The following SCAMP1 variants were observed in gnomAD, a reference collection of about 807,000 sequenced individuals.
SCAMP1 encodes secretory carrier membrane protein 1.
Under a neutral mutation model 41.8 loss-of-function variants are expected in SCAMP1, and 15 were observed. The ratio of observed to expected loss-of-function variants is 0.36; its 90% CI spans 0.24 to 0.55. The LOEUF (loss-of-function observed/expected upper bound fraction) is 0.55, where lower values mean the gene tolerates loss of function less well. SCAMP1 is among the 20% of genes least tolerant of loss of function. The pLI is 0.86. For missense variants in SCAMP1, 341 were observed against 412.6 expected, an observed-to-expected ratio of 0.83 and a Z score of 1.50; for synonymous variants, 135 against 136.8, an observed-to-expected ratio of 0.99 and a Z score of 0.09.
At chr5:78,432,985 C>T (rs1752659310) in intron 6 of SCAMP1, among the ~76,000 whole-genome samples, 1 of 152,054 alleles carries the variant, frequency 6.6e-6, no homozygotes, top group African/African-American at 2.4e-5. Context: ...CACTGATTCT[C>T]TCCCACCCTC....
intron 1 of SCAMP1, among the ~76,000 whole-genome samples, chr5:78,377,868 G>A (rs1180955745): frequency 6.6e-6 from 1 of 152,056 alleles, no homozygotes; most frequent in Non-Finnish European, 1.5e-5. Flanking sequence ...TTTTACTGAT[G>A]AAAAAACTGA....
intron 6 of SCAMP1, among the ~76,000 whole-genome samples, chr5:78,425,463 G>A (rs1187295593): frequency 6.6e-6 from 1 of 151,932 alleles, no homozygotes; most frequent in Non-Finnish European, 1.5e-5. Flanking sequence ...ATATATATTT[G>A]TACTCCCAAA....
rs1053429684 is a variant in SCAMP1, at chr5:78,477,961, A to T, written c.*2293A>T. On this transcript the variant is annotated 3_prime_UTR_variant, in exon 9 of 9. Transcript: ENST00000621999. ...ATCACAGTCATGAAATCATAGTCATAAAATGGTCTTCACACAGCAGTCATC... is the reference window on the plus strand; with the variant it reads ...ATCACAGTCATGAAATCATAGTCATTAAATGGTCTTCACACAGCAGTCATC... 1.3e-5 allele frequency: 2 copies of T among 152,216 alleles called. No homozygotes were observed. The highest frequency in any genetic ancestry group is 2.9e-5 in the Non-Finnish European group (2 of 67,984). 9.4% of individuals were successfully genotyped at this position (152,216 alleles called of 1,614,324 possible).
At chr5:78,398,352 C>CTT (rs1225783485) in intron 2 of SCAMP1, among the ~76,000 whole-genome samples, 30 of 115,076 alleles carry the variant, frequency 2.6e-4, no homozygotes, top group Admixed American at 1.1e-3. Context: ...CTAGGGTTCA[C>CTT]CTCTTTTTTT....
chr5:78,435,671 T>G (rs1334270891), intron 6 of SCAMP1, among the ~76,000 whole-genome samples: 3 of 152,204 alleles, frequency 2.0e-5, no homozygotes, highest in Admixed American at 6.5e-5. Flanking sequence ...TTGTGAATAG[T>G]GCCGGAGTAA....
intron 1 of SCAMP1, 135 bp downstream of exon 1, chr5:78,360,863 C>A (rs113790096): frequency 1.2e-6 from 1 of 859,588 alleles, no homozygotes; most frequent in Non-Finnish European, 1.8e-6. Context: ...GGCCGCCGTC[C>A]TCCATTTGGG....
chr5:78,465,957 G>A (rs1380559834), intron 8 of SCAMP1, among the ~76,000 whole-genome samples: 2 of 152,186 alleles, frequency 1.3e-5, no homozygotes, highest in African/African-American at 2.4e-5. Flanking sequence ...GGCAGATGCC[G>A]ATTACATCTA....
chr5:78,423,013 C>T (rs567740302), intron 6 of SCAMP1, among the ~76,000 whole-genome samples: 10 of 9,950 alleles, frequency 1.0e-3, no homozygotes, highest in African/African-American at 7.0e-3. Context: ...CACACGCGCG[C>T]GCGCACACAC....
chr5:78,448,724 G>A (rs1344674630), intron 6 of SCAMP1, among the ~76,000 whole-genome samples: 2 of 152,212 alleles, frequency 1.3e-5, no homozygotes, highest in Non-Finnish European at 2.9e-5. Context: ...AACCAGGCTG[G>A]GCACAGTGGC....
chr5:78,402,196 G>GTT (rs1293261771), intron 2 of SCAMP1, among the ~76,000 whole-genome samples: 1 of 129,290 alleles, frequency 7.7e-6, no homozygotes, highest in Non-Finnish European at 1.7e-5. Context: ...TACTATATTT[G>GTT]TTTTTTTTTT....
intron 1 of SCAMP1, among the ~76,000 whole-genome samples, chr5:78,385,895 G>A (rs1002173685): frequency 1.3e-5 from 2 of 152,082 alleles, no homozygotes; most frequent in African/African-American, 4.8e-5. Context: ...TGTTCCATGT[G>A]CTGATGAAGA....
At chr5:78,459,223 T>G in intron 7 of SCAMP1, 22 bp from the exon 8 acceptor site, 1 of 1,132,862 alleles carries the variant, frequency 8.8e-7, no homozygotes, top group Non-Finnish European at 1.3e-6. Flanking sequence ...TTTGCCTAAT[T>G]ACACTTTTTA....
At chr5:78,464,331 A>ACTAAAATAC (rs1753688537) in intron 8 of SCAMP1, among the ~76,000 whole-genome samples, 1 of 151,938 alleles carries the variant, frequency 6.6e-6, no homozygotes, top group South Asian at 2.1e-4. Context: ...TTTAGTAGAG[A>ACTAAAATAC]CAGGGTTTCA....
intron 7 of SCAMP1, among the ~76,000 whole-genome samples, chr5:78,454,749 G>C (rs1322741252): frequency 6.6e-6 from 1 of 152,200 alleles, no homozygotes; most frequent in East Asian, 1.9e-4. Flanking sequence ...AATAGTTTCA[G>C]AAGGAATGGT....
intron 8 of SCAMP1, among the ~76,000 whole-genome samples, chr5:78,466,558 T>G (rs1183052153): frequency 1.3e-5 from 2 of 152,126 alleles, no homozygotes; most frequent in Non-Finnish European, 2.9e-5. Context: ...TAGCTCAGAA[T>G]GGATGGGAGA....
intron 8 of SCAMP1, among the ~76,000 whole-genome samples, chr5:78,474,212 A>G (rs1286986436): frequency 6.6e-6 from 1 of 152,066 alleles, no homozygotes; most frequent in Non-Finnish European, 1.5e-5. Flanking sequence ...TCATGGCAAA[A>G]TCACCCCCGA....
intron 2 of SCAMP1, among the ~76,000 whole-genome samples, chr5:78,397,993 C>T (rs1282824280): frequency 6.6e-6 from 1 of 152,174 alleles, no homozygotes; most frequent in Non-Finnish European, 1.5e-5. Context: ...TCACACACTG[C>T]TGATGGGAAT....
At position 78,380,235 on chromosome 5, in the gene SCAMP1, C is replaced by T. The variant is rs139924314; in HGVS notation, c.58-8602C>T. ...TATTTATATATATTTAGGTTGCTTC[C>T]AGTCGATTAATTAGTGTGATGCTTC... On this transcript the variant is annotated intron_variant, in intron 1 of 8. Transcript: ENST00000621999. Among the ~76,000 whole-genome samples the T allele has an allele frequency of 2.5e-3, 373 of 152,158 alleles. 1 individual carries two copies. Among genetic ancestry groups the T allele is most frequent in the Middle Eastern group, 0.01 (3 of 294 alleles).
chr5:78,418,914 A>G lies in SCAMP1; in HGVS notation c.472+11A>G. 1.3e-6 allele frequency: 2 copies of G among 1,549,960 alleles called. No homozygotes were observed. The highest frequency in any genetic ancestry group is 1.3e-5 in the South Asian group (1 of 79,722). On this transcript the variant is annotated intron_variant, in intron 5 of 8. Transcript: ENST00000621999. ...ACTACTTGTGGATGTGTGAGTATAC[A>G]ACAATTTACATCTTTGCTTAGAATT...
Sources: gnomAD v4.1 joint callset for allele counts (sites outside exome capture counted in the v4.1 genomes callset) on GRCh38, gnomAD v4.1.1 for gene constraint, MANE v1.5 for transcripts, NCBI Gene and HGNC (gene_info 2026-07-23, HGNC 2026-07-21) for gene names.